Variants in FOCAD observed in about 807,000 individuals in gnomAD.
FOCAD encodes focadhesin, also known as KIAA1797.
FOCAD carries 198 observed loss-of-function variants against 225.6 expected under a neutral mutation model. The ratio of observed to expected loss-of-function variants is 0.88; its 90% CI spans 0.78 to 0.99. The LOEUF (loss-of-function observed/expected upper bound fraction) is 0.99. FOCAD is among the 50% of genes least tolerant of loss of function. FOCAD has a pLI of 0.00. For missense variants in FOCAD, 2,713 were observed against 2,123.6 expected, an observed-to-expected ratio of 1.28 and a Z score of -5.46; for synonymous variants, 897 against 755.0, an observed-to-expected ratio of 1.19 and a Z score of -3.08.
At chr9:20,696,759 C>T (rs1215047464) in intron 1 of FOCAD, among the ~76,000 whole-genome samples, 1 of 152,112 alleles carries the variant, frequency 6.6e-6, no homozygotes, top group African/African-American at 2.4e-5. Flanking sequence ...GAATTGAGAT[C>T]ATGCCACTGC....
intron 15 of FOCAD, among the ~76,000 whole-genome samples, chr9:20,861,544 A>C (rs1828771927): frequency 6.6e-6 from 1 of 152,204 alleles, no homozygotes; most frequent in Non-Finnish European, 1.5e-5. Flanking sequence ...GAGCAAATGC[A>C]CTGAATCCAA....
chr9:20,935,511 C>A (rs1835865095), intron 28 of FOCAD, among the ~76,000 whole-genome samples: 1 of 152,190 alleles, frequency 6.6e-6, no homozygotes, highest in Non-Finnish European at 1.5e-5. Context: ...AGTGATTCTC[C>A]TGCCTCAGCC....
At chr9:20,859,547 A>G (rs900970196) in intron 15 of FOCAD, among the ~76,000 whole-genome samples, 1 of 150,962 alleles carries the variant, frequency 6.6e-6, no homozygotes, top group Admixed American at 6.6e-5. Context: ...AAGTTAAGTT[A>G]GAGAATTAAT....
chr9:20,978,347 A>T lies in FOCAD; in HGVS notation c.4270A>T (p.Ile1424Phe), dbSNP rs781240550. The change falls in exon 37 of 44, where the codon ATC becomes TTC. Residue 1424 changes from isoleucine (I) to phenylalanine (F), a missense_variant. Physicochemically the swap from Ile to Phe is conservative, Grantham distance 21 (BLOSUM62 0). Transcript: ENST00000338382. ...PLMRLNFGEE[I>F]QQLCLEIMVT... ...CCTTTCTTGACTTTCAGGTGAAGAG[A>T]TCCAGCAACTGTGCCTTGAAATTAT... The T allele has an allele frequency of 6.2e-7, 1 of 1,601,248 alleles. No homozygotes were observed.
intron 35 of FOCAD, among the ~76,000 whole-genome samples, chr9:20,970,971 C>T (rs1384875555): frequency 6.6e-6 from 1 of 152,162 alleles, no homozygotes; most frequent in Non-Finnish European, 1.5e-5. Context: ...GATATTGTAA[C>T]AGGGTAACTT....
At chr9:20,763,173 A>C (rs1316515570) in intron 6 of FOCAD, among the ~76,000 whole-genome samples, 3 of 152,254 alleles carry the variant, frequency 2.0e-5, no homozygotes, top group Non-Finnish European at 4.4e-5. Flanking sequence ...ACTACTCTGT[A>C]ACTTAGTGTA....
chr9:20,907,342 C>T (rs1833064553), intron 22 of FOCAD, 100 bp downstream of exon 22: 1 of 888,862 alleles, frequency 1.1e-6, no homozygotes, highest in Admixed American at 2.0e-5. Flanking sequence ...GGGAAAATAG[C>T]ACTACCAAAA....
chr9:20,919,117 C>T (rs1834140504), intron 24 of FOCAD, among the ~76,000 whole-genome samples: 1 of 152,146 alleles, frequency 6.6e-6, no homozygotes, highest in Non-Finnish European at 1.5e-5. Flanking sequence ...TCAGCAAAGT[C>T]TCAGGATACA....
chr9:20,826,802 T>G (rs1824939447), intron 15 of FOCAD, among the ~76,000 whole-genome samples: 1 of 152,096 alleles, frequency 6.6e-6, no homozygotes, highest in Non-Finnish European at 1.5e-5. Flanking sequence ...CTTGTTTCCT[T>G]TGAAAAATGT....
intron 19 of FOCAD, among the ~76,000 whole-genome samples, chr9:20,876,236 C>T (rs528119296): frequency 2.0e-5 from 3 of 152,164 alleles, no homozygotes; most frequent in Non-Finnish European, 4.4e-5. Context: ...CCACTTCCTA[C>T]CTCTTAGCTT....
At chr9:20,866,528 T>G (rs1260100047) in intron 17 of FOCAD, among the ~76,000 whole-genome samples, 1 of 152,006 alleles carries the variant, frequency 6.6e-6, no homozygotes, top group African/African-American at 2.4e-5. Flanking sequence ...ACTTGAGCAA[T>G]TATGAGTTAC....
chr9:20,977,660 C>T (rs1251808570), intron 36 of FOCAD, among the ~76,000 whole-genome samples: 2 of 152,112 alleles, frequency 1.3e-5, no homozygotes, highest in Non-Finnish European at 2.9e-5. Flanking sequence ...AAAACAACTT[C>T]TATACTGTAA....
intron 15 of FOCAD, among the ~76,000 whole-genome samples, chr9:20,842,318 G>A (rs1204355252): frequency 6.6e-6 from 1 of 151,764 alleles, no homozygotes; most frequent in Non-Finnish European, 1.5e-5. Context: ...TGGATAATTG[G>A]TCTAATGCTG....
At chr9:20,859,483 T>A (rs1828556907) in intron 15 of FOCAD, among the ~76,000 whole-genome samples, 1 of 151,378 alleles carries the variant, frequency 6.6e-6, no homozygotes, top group Non-Finnish European at 1.5e-5. Flanking sequence ...GTTTTGTCTT[T>A]GGTGTTTAAT....
At chr9:20,877,485 A>G (rs1199945888) in intron 19 of FOCAD, among the ~76,000 whole-genome samples, 1 of 152,228 alleles carries the variant, frequency 6.6e-6, no homozygotes, top group African/African-American at 2.4e-5. Context: ...AGTAATGTAC[A>G]TATTTTTGCA....
chr9:20,897,774 G>C (rs1832221544), intron 21 of FOCAD, among the ~76,000 whole-genome samples: 1 of 151,524 alleles, frequency 6.6e-6, no homozygotes, highest in South Asian at 2.1e-4. Context: ...TTATCTGTTA[G>C]ATCAATTAAG....
intron 15 of FOCAD, among the ~76,000 whole-genome samples, chr9:20,860,540 G>A (rs926385510): frequency 5.9e-5 from 9 of 152,036 alleles, no homozygotes; most frequent in African/African-American, 2.2e-4. Flanking sequence ...TGTTTTTGTT[G>A]TTGTTTTTGA....
intron 30 of FOCAD, among the ~76,000 whole-genome samples, chr9:20,947,904 T>G (rs1277135111): frequency 6.6e-6 from 1 of 152,208 alleles, no homozygotes; most frequent in Non-Finnish European, 1.5e-5. Flanking sequence ...CTTTGCTTTT[T>G]ATGGGATGCT....
intron 5 of FOCAD, among the ~76,000 whole-genome samples, chr9:20,746,290 A>C (rs1363501833): frequency 6.6e-6 from 1 of 152,146 alleles, no homozygotes; most frequent in Non-Finnish European, 1.5e-5. Flanking sequence ...AAGTGCCTAG[A>C]AGCTTGGCAC....
Sources: allele counts gnomAD v4.1 joint callset (sites outside exome capture counted in the v4.1 genomes callset), GRCh38; gene constraint gnomAD v4.1.1; transcripts MANE v1.5; gene names NCBI Gene and HGNC (gene_info 2026-07-23, HGNC 2026-07-21).